The following TRAPPC8 variants were observed in gnomAD, a reference collection of about 807,000 sequenced individuals.
TRAPPC8 encodes the protein general sporulation gene 1 homolog.
In TRAPPC8, 54 loss-of-function variants were observed where a neutral mutation model predicts 174.3. The observed-to-expected ratio is 0.31, with a 90% confidence interval of 0.25 to 0.39. TRAPPC8 has a LOEUF of 0.39. TRAPPC8 is among the 10% of genes least tolerant of loss of function. The pLI is 1.00. For synonymous variants in TRAPPC8, 630 were observed against 579.9 expected (o/e 1.09, Z -1.24); for missense variants, 1,531 against 1,699.1 (o/e 0.90, Z 1.74).
At chr18:31,856,807 CTTTTTTTTTT>C (rs79712667) in intron 20 of TRAPPC8, among the ~76,000 whole-genome samples, 2 of 109,940 alleles carry the variant, frequency 1.8e-5, no homozygotes, top group African/African-American at 4.0e-5. Flanking sequence ...ATGCTAAAAT[CTTTTTTTTTT>C]TTTTTTTTTT....
chr18:31,908,769 C>T lies in TRAPPC8; in HGVS notation c.1107G>A (p.Arg369=), dbSNP rs2145485286. ...CAAACCTTACCTGATCGTTTAATTG[C>T]CTAATTGTTTTCTCTATATGTGGCA... The part of the protein sequence containing the change: ...GLLPHIEKTI[R]QLNDQLISRK... Residue 369 remains arginine, a synonymous_variant, in exon 7 of 29, where the codon AGG becomes AGA. Coordinates refer to ENST00000283351, the MANE Select transcript of TRAPPC8 (RefSeq NM_014939.5). 1 of 1,601,458 alleles carries T rather than the reference C, an allele frequency of 6.2e-7. No individual in the cohort carries two copies. The highest frequency in any genetic ancestry group is 8.5e-7 in the Non-Finnish European group (1 of 1,172,144).
At chr18:31,918,016 C>T (rs1253026207) in intron 2 of TRAPPC8, among the ~76,000 whole-genome samples, 1 of 152,052 alleles carries the variant, frequency 6.6e-6, no homozygotes, top group Non-Finnish European at 1.5e-5. Context: ...ATCCCAGCTA[C>T]TCAGCAGGCT....
chr18:31,910,392 GA>G (rs2036855515), intron 5 of TRAPPC8, among the ~76,000 whole-genome samples: 1 of 152,152 alleles, frequency 6.6e-6, no homozygotes, highest in Non-Finnish European at 1.5e-5. Flanking sequence ...AACTCAAGAA[GA>G]AAGTGACCAG....
chr18:31,881,691 T>C (rs748649705), intron 12 of TRAPPC8, among the ~76,000 whole-genome samples: 1 of 152,014 alleles, frequency 6.6e-6, no homozygotes, highest in Non-Finnish European at 1.5e-5. Flanking sequence ...AAAGAAACTA[T>C]TAGCAGAATA....
At chr18:31,873,135 A>G (rs2034967009) in intron 14 of TRAPPC8, among the ~76,000 whole-genome samples, 2 of 144,866 alleles carry the variant, frequency 1.4e-5, no homozygotes, top group South Asian at 4.3e-4. Context: ...CTCCTACCTC[A>G]GCCTCTTGAG....
chr18:31,932,592 TTACAGCAAGAAGACAG>T (rs2037894998), intron 1 of TRAPPC8, among the ~76,000 whole-genome samples: 1 of 152,158 alleles, frequency 6.6e-6, no homozygotes, highest in Non-Finnish European at 1.5e-5. Context: ...TCTGAGGCAA[TTACAGCAAGAAGACAG>T]TGTCCACAGT....
intron 2 of TRAPPC8, among the ~76,000 whole-genome samples, chr18:31,930,005 A>G (rs2037781637): frequency 6.6e-6 from 1 of 152,260 alleles, no homozygotes; most frequent in African/African-American, 2.4e-5. Flanking sequence ...AAAGAAAAAA[A>G]TACAGAACAC....
chr18:31,937,497 T>A (rs1044740690), intron 1 of TRAPPC8: 2 of 151,900 alleles, frequency 1.3e-5, no homozygotes, highest in Non-Finnish European at 2.9e-5. Context: ...AAGACCAGCC[T>A]GGGCAACAGA....
chr18:31,871,595 G>T (rs948081394), intron 14 of TRAPPC8, among the ~76,000 whole-genome samples: 1 of 151,890 alleles, frequency 6.6e-6, no homozygotes, highest in African/African-American at 2.4e-5. Flanking sequence ...AAGTTAAAGT[G>T]TATCATTTTC....
chr18:31,900,056 G>A (rs377082129), intron 10 of TRAPPC8, among the ~76,000 whole-genome samples: 1 of 151,774 alleles, frequency 6.6e-6, no homozygotes, highest in South Asian at 2.1e-4. Flanking sequence ...TGGCAAACAT[G>A]GTGAAATCGT....
At chr18:31,875,598 G>A (rs974148141) in intron 12 of TRAPPC8, among the ~76,000 whole-genome samples, 3 of 152,172 alleles carry the variant, frequency 2.0e-5, no homozygotes, top group African/African-American at 4.8e-5. Flanking sequence ...TTTTCAAGGT[G>A]CTGTTGGCAA....
At chr18:31,881,249 G>A (rs1462707162) in intron 12 of TRAPPC8, among the ~76,000 whole-genome samples, 2 of 152,002 alleles carry the variant, frequency 1.3e-5, no homozygotes, top group African/African-American at 4.8e-5. Flanking sequence ...TACACTACAA[G>A]GCTATAGTAA....
At chr18:31,873,117 A>C (rs2145212579) in intron 14 of TRAPPC8, among the ~76,000 whole-genome samples, 1 of 139,014 alleles carries the variant, frequency 7.2e-6, no homozygotes, top group Admixed American at 8.3e-5. Context: ...TCCCGGGTTC[A>C]CGCCATTCTC....
intron 12 of TRAPPC8, among the ~76,000 whole-genome samples, chr18:31,879,131 T>C (rs189450503): frequency 1.3e-5 from 2 of 152,298 alleles, no homozygotes; most frequent in East Asian, 1.9e-4. Context: ...ATGGACCTAA[T>C]AGACGTCTAC....
At chr18:31,852,734 A>C in intron 22 of TRAPPC8, 71 bp from the exon 23 acceptor site, 1 of 1,196,914 alleles carries the variant, frequency 8.4e-7, no homozygotes, top group Admixed American at 1.9e-5. Flanking sequence ...TTCATTATTT[A>C]GACTTCCTTG....
Position 31,859,835 on chromosome 18 carries a change from G to A in TRAPPC8, c.2746-1853C>T, listed in dbSNP as rs140426733. ...GTTTGAGACCAGCCTGACCAACATG[G>A]TGAAGCCCCGTCTCTACTAAAAATA... On this transcript the variant is annotated intron_variant, in intron 19 of 28. Coordinates refer to ENST00000283351, the MANE Select transcript of TRAPPC8 (RefSeq NM_014939.5). Among the ~76,000 whole-genome samples, 1,100 of 152,260 alleles carry A rather than the reference G, an allele frequency of 7.2e-3. 14 individuals are homozygous for A. Among genetic ancestry groups the A allele is most frequent in the African/African-American group, 0.025 (1,056 of 41,544 alleles).
chr18:31,866,029 A>G (rs2034569857), intron 18 of TRAPPC8, among the ~76,000 whole-genome samples: 1 of 152,020 alleles, frequency 6.6e-6, no homozygotes. Context: ...TATTTAATTG[A>G]AAGTTAAAAG....
chr18:31,829,289 CAATTT>C lies in TRAPPC8; in HGVS notation c.*1461_*1465del, dbSNP rs2032231492. ...ATTAGTGTCTGTTTAACAATCGGTTCAATTTAATATTCAGCTGAGTGGTTTAAATA... is the reference window on the plus strand; with the variant it reads ...ATTAGTGTCTGTTTAACAATCGGTTCAATATTCAGCTGAGTGGTTTAAATA... On this transcript the variant is annotated 3_prime_UTR_variant, in exon 29 of 29. Transcript: ENST00000283351. 1 of 152,132 alleles carries C rather than the reference CAATTT, an allele frequency of 6.6e-6. No homozygotes were observed. The allele number at this position is 152,132 out of a possible 1,614,324, so 9.4% of individuals were successfully genotyped here. A position where few individuals can be genotyped will look rare whatever the true frequency, so the allele number is the denominator to read the frequency against.
chr18:31,837,287 T>C (rs1020709682), intron 27 of TRAPPC8, among the ~76,000 whole-genome samples: 1 of 150,954 alleles, frequency 6.6e-6, no homozygotes, highest in Non-Finnish European at 1.5e-5. Flanking sequence ...TATTGGAATA[T>C]GCAAATTAGT....
Sources: gnomAD v4.1 joint callset for allele counts (sites outside exome capture counted in the v4.1 genomes callset) on GRCh38, gnomAD v4.1.1 for gene constraint, MANE v1.5 for transcripts, NCBI Gene and HGNC (gene_info 2026-07-23, HGNC 2026-07-21) for gene names.